USH2A: variants seen among roughly 807,000 people sequenced by gnomAD.
The protein encoded by USH2A is Usher syndrome 2A (autosomal recessive, mild).
Under a neutral mutation model 538.9 loss-of-function variants are expected in USH2A, and 443 were observed. The ratio of observed to expected loss-of-function variants is 0.82; its 90% CI spans 0.76 to 0.89. The LOEUF (loss-of-function observed/expected upper bound fraction) is 0.89, where lower values mean the gene tolerates loss of function less well. Ranked by LOEUF, USH2A falls within the 40% of genes least tolerant of loss-of-function variation. The probability of loss-of-function intolerance (pLI) is 0.00; values close to 1 mark genes in which losing one functional copy is unlikely to be tolerated. For synonymous variants in USH2A, 2,413 were observed against 2,273.5 expected, an observed-to-expected ratio of 1.06 and a Z score of -1.75; for missense variants, 6,633 against 6,324.8, an observed-to-expected ratio of 1.05 and a Z score of -1.65.
intron 37 of USH2A, among the ~76,000 whole-genome samples, chr1:215,961,975 T>C (rs995360537): frequency 1.3e-5 from 2 of 151,988 alleles, no homozygotes; most frequent in Non-Finnish European, 2.9e-5. Flanking sequence ...TATAAAGAAC[T>C]TCTTAAACCT....
intron 37 of USH2A, among the ~76,000 whole-genome samples, chr1:215,959,232 T>C (rs1558182591): frequency 6.6e-6 from 1 of 152,124 alleles, no homozygotes; most frequent in Non-Finnish European, 1.5e-5. Context: ...CACCTAGAGA[T>C]AACAGATATA....
chr1:216,198,464 G>T lies in USH2A; in HGVS notation c.3932C>A (p.Ser1311Ter), dbSNP rs79279902. 2 of 1,613,958 alleles carry T rather than the reference G, an allele frequency of 1.2e-6. No homozygotes were observed. The highest frequency in any genetic ancestry group is 1.7e-6 in the Non-Finnish European group (2 of 1,179,960). Residue 1311 changes from serine to a stop codon, truncating the protein, a stop_gained, in exon 18 of 72, where the codon TCG (serine) becomes TAG (stop). Transcript: ENST00000307340. LOFTEE classifies it high-confidence loss of function. Reference sequence around the variant, plus strand: ...AGGTTTTAATGCATTTTCATTGGCCGATTCTACAAATGAATGAGGACTGAG... The same window carrying T: ...AGGTTTTAATGCATTTTCATTGGCCTATTCTACAAATGAATGAGGACTGAG... Reference protein sequence around the residue: ...GWLSPHSFVESANENALKPPQ... With the variant: ...GWLSPHSFVE
chr1:216,289,393 ACAGCT>A lies in USH2A; in HGVS notation c.1853_1857del (p.Glu618ValfsTer23), dbSNP rs1483984932. The A allele has an allele frequency of 6.2e-7, 1 of 1,613,942 alleles. No individual in the cohort carries two copies. Among genetic ancestry groups the A allele is most frequent in the Admixed American group, 1.7e-5 (1 of 60,022 alleles). On this transcript the variant is annotated frameshift_variant, in exon 11 of 72. Coordinates refer to ENST00000307340, the MANE Select transcript of USH2A (RefSeq NM_206933.4). LOFTEE classifies it high-confidence loss of function. ...ACTTGTCGGAAAAAGTAATCCTTGC[ACAGCT>A]CACAGTTCCTTCCTGCATCAGGGAA...
intron 11 of USH2A, among the ~76,000 whole-genome samples, chr1:216,253,956 T>C (rs533556474): frequency 4.6e-5 from 7 of 152,322 alleles, no homozygotes; most frequent in East Asian, 1.9e-4. Context: ...CTATAAAGCA[T>C]ATTCACTTTT....
At chr1:215,746,883 A>G (rs1660488211) in intron 58 of USH2A, among the ~76,000 whole-genome samples, 1 of 152,188 alleles carries the variant, frequency 6.6e-6, no homozygotes, top group Non-Finnish European at 1.5e-5. Flanking sequence ...AATTTGGGAA[A>G]CACAGGATTT....
rs1157232161 is a variant in USH2A at position 215,699,971 on chromosome 1, G to GAT, written c.12067-19597_12067-19596dup. Among the ~76,000 whole-genome samples, 3 of 152,122 alleles carry GAT rather than the reference G, an allele frequency of 2.0e-5. No homozygotes were observed. In the East Asian group the frequency reaches 5.8e-4, roughly 29 times the overall value. ...TCATAAATAGCTCTTATTATTTTGA[G>GAT]ATACATTCCATCAATGCCTAATTTA... On this transcript the variant is annotated intron_variant, in intron 61 of 71. Transcript: ENST00000307340.
intron 21 of USH2A, among the ~76,000 whole-genome samples, chr1:216,170,849 G>A (rs530721704): frequency 4.5e-4 from 68 of 151,902 alleles, no homozygotes; most frequent in African/African-American, 1.5e-3. Flanking sequence ...TCTCTCCAAA[G>A]GCACAATGAT....
Position 216,419,646 on chromosome 1 carries a change from A to G in USH2A, c.486-967T>C, listed in dbSNP as rs569314891. On this transcript the variant is annotated intron_variant, in intron 2 of 71. Transcript: ENST00000307340. ...CTGTACACTCCATTAGATCATTTAG[A>G]TCATGAGTATTCTGAGGATACACAC... is the stretch of plus-strand genomic sequence containing the variant. Among the ~76,000 whole-genome samples, 7 of 152,206 alleles carry G rather than the reference A, an allele frequency of 4.6e-5. No individual in the cohort carries two copies. The East Asian group carries it at 1.4e-3, about 29-fold the overall frequency.
chr1:215,875,361 T>C (rs1237832031), intron 43 of USH2A, among the ~76,000 whole-genome samples: 1 of 152,060 alleles, frequency 6.6e-6, no homozygotes, highest in African/African-American at 2.4e-5. Context: ...GTGCAAGTAC[T>C]ACCGGAAAAA....
At chr1:216,151,921 A>G (rs999577118) in intron 21 of USH2A, among the ~76,000 whole-genome samples, 14 of 151,996 alleles carry the variant, frequency 9.2e-5, no homozygotes, top group African/African-American at 3.4e-4. Flanking sequence ...CGGACCTTGT[A>G]TCTTCCATTT....
chr1:216,123,656 G>T (rs1242821414), intron 21 of USH2A, among the ~76,000 whole-genome samples: 1 of 152,044 alleles, frequency 6.6e-6, no homozygotes, highest in African/African-American at 2.4e-5. Flanking sequence ...TTTTAGACCA[G>T]TTGCTATAGT....
At chr1:216,016,804 G>A (rs1006933650) in intron 32 of USH2A, among the ~76,000 whole-genome samples, 1 of 151,002 alleles carries the variant, frequency 6.6e-6, no homozygotes, top group African/African-American at 2.4e-5. Flanking sequence ...CAGGTGGCAT[G>A]TGGTAGGGGA....
chr1:215,640,861 A>G, intron 67 of USH2A, 127 bp from the exon 68 acceptor site: 1 of 961,384 alleles, frequency 1.0e-6, no homozygotes, highest in Middle Eastern at 2.8e-4. Flanking sequence ...AAAAAAAAAA[A>G]AGAAAACCAA....
chr1:216,012,626 A>C (rs2102493918), intron 32 of USH2A, among the ~76,000 whole-genome samples: 1 of 152,186 alleles, frequency 6.6e-6, no homozygotes, highest in South Asian at 2.1e-4. Context: ...TATTCAGTGA[A>C]ACCTTTATAT....
At chr1:216,373,587 C>T (rs932087294) in intron 3 of USH2A, among the ~76,000 whole-genome samples, 2 of 152,094 alleles carry the variant, frequency 1.3e-5, no homozygotes, top group Non-Finnish European at 2.9e-5. Context: ...CCCTGAATAC[C>T]GCAACGTGTA....
intron 47 of USH2A, among the ~76,000 whole-genome samples, chr1:215,818,622 T>G (rs1012319408): frequency 1.6e-4 from 25 of 151,852 alleles, no homozygotes; most frequent in African/African-American, 6.0e-4. Flanking sequence ...TAACATCTGA[T>G]CAAAACTTTA....
chr1:216,111,397 A>G (rs442028), intron 21 of USH2A, among the ~76,000 whole-genome samples: 46,650 of 152,016 alleles, frequency 0.31, 7,495 homozygotes, highest in Non-Finnish European at 0.35. Flanking sequence ...CTTCGGATAC[A>G]TTAACCAAAT....
chr1:215,628,917 C>T lies in USH2A; in HGVS notation c.15416G>A (p.Gly5139Asp), dbSNP rs766644731. Reference protein sequence around the residue: ...QNQTSLTYSQGSLHRSVSQLM... With the variant: ...QNQTSLTYSQDSLHRSVSQLM... ...CTGGCTGACGCTGCGGTGAAGAGAA[C>T]CCTGGGAGTAGGTTAGGCTGGTTTG... The change falls in exon 71 of 72, where the codon GGT becomes GAT. Residue 5139 changes from glycine (G) to aspartate (D), a missense_variant. Coordinates refer to ENST00000307340, the MANE Select transcript of USH2A (RefSeq NM_206933.4). The T allele has an allele frequency of 8.7e-6, 14 of 1,613,978 alleles. No individual in the cohort carries two copies. The South Asian group carries it at 8.8e-5, about 10-fold the overall frequency.
At chr1:216,400,665 G>A (rs546348131) in intron 3 of USH2A, among the ~76,000 whole-genome samples, 2 of 152,146 alleles carry the variant, frequency 1.3e-5, no homozygotes, top group East Asian at 3.9e-4. Flanking sequence ...TACAAAACAA[G>A]CAAAGAGAAA....
Sources: allele counts gnomAD v4.1 joint callset (sites outside exome capture counted in the v4.1 genomes callset), GRCh38; gene constraint gnomAD v4.1.1; transcripts MANE v1.5; gene names NCBI Gene and HGNC (gene_info 2026-07-23, HGNC 2026-07-21).